CUX1: variants seen among roughly 807,000 people sequenced by gnomAD.
The protein encoded by CUX1 is protein CASP.
CUX1 carries 31 observed loss-of-function variants against 158.8 expected under a neutral mutation model. The observed-to-expected ratio is 0.20, with a 90% CI of 0.15 to 0.26. The LOEUF (loss-of-function observed/expected upper bound fraction) is 0.26, where lower values mean the gene tolerates loss of function less well. CUX1 is among the 10% of genes least tolerant of loss of function. The probability of loss-of-function intolerance (pLI) is 1.00; values close to 1 mark genes in which losing one functional copy is unlikely to be tolerated. For missense variants in CUX1, 1,589 were observed against 2,014.6 expected, an observed-to-expected ratio of 0.79 and a Z score of 4.04; for synonymous variants, 879 against 862.1, an observed-to-expected ratio of 1.02 and a Z score of -0.34.
At chr7:101,865,459 C>CT (rs1797848351) in intron 1 of CUX1, among the ~76,000 whole-genome samples, 1 of 152,166 alleles carries the variant, frequency 6.6e-6, no homozygotes, top group South Asian at 2.1e-4. Flanking sequence ...CTGGCTGCTC[C>CT]TTTAAGAAGT....
intron 22 of CUX1, among the ~76,000 whole-genome samples, chr7:102,235,809 A>G (rs1799504096): frequency 7.0e-6 from 1 of 142,114 alleles, no homozygotes; most frequent in Non-Finnish European, 1.5e-5. Context: ...CGCGCACACA[A>G]CATCTGAGCC....
intron 2 of CUX1, among the ~76,000 whole-genome samples, chr7:101,989,219 G>A (rs187592416): frequency 1.6e-4 from 24 of 152,066 alleles, no homozygotes; most frequent in South Asian, 1.0e-3. Context: ...GCAGGCCTCC[G>A]TCCTCCACCC....
At chr7:102,127,393 C>G (rs1193689654) in intron 8 of CUX1, among the ~76,000 whole-genome samples, 1 of 151,920 alleles carries the variant, frequency 6.6e-6, no homozygotes, top group Non-Finnish European at 1.5e-5. Context: ...TTTGTAGAGA[C>G]AGGGTCTTGC....
chr7:102,123,725 C>G (rs782424193), intron 8 of CUX1, among the ~76,000 whole-genome samples: 9 of 151,834 alleles, frequency 5.9e-5, no homozygotes, highest in Non-Finnish European at 8.8e-5. Context: ...TACAGTGATG[C>G]GATCTTGGCT....
At chr7:102,010,717 C>T (rs1433259418) in intron 2 of CUX1, among the ~76,000 whole-genome samples, 3 of 152,208 alleles carry the variant, frequency 2.0e-5, no homozygotes, top group Non-Finnish European at 4.4e-5. Flanking sequence ...ATTGAGGAAA[C>T]TCAGTGAAGG....
chr7:101,827,430 C>T (rs928852788), intron 1 of CUX1, among the ~76,000 whole-genome samples: 2 of 152,116 alleles, frequency 1.3e-5, no homozygotes, highest in African/African-American at 4.8e-5. Flanking sequence ...ATCAGCCTCC[C>T]AGTAGCTGGA....
Position 102,282,703 on chromosome 7 carries a change from C to T in CUX1, c.1903-9C>T, listed in dbSNP as rs1554549654. The stretch of plus-strand genomic sequence containing the variant: ...GAACGGGCAGCTCACCGTGTCTCCA[C>T]CTGGCCAGGTGCTCTACAAGCTGGC... On this transcript the variant is annotated splice_polypyrimidine_tract_variant and intron_variant, in intron 21 of 22. Transcript: ENST00000292538. 2.5e-6 allele frequency: 4 copies of T among 1,612,636 alleles called. No homozygotes were observed. In the East Asian group the frequency reaches 6.7e-5, roughly 27 times the overall value.
intron 4 of CUX1, among the ~76,000 whole-genome samples, chr7:102,084,860 T>C (rs79761608): frequency 1.0e-5 from 1 of 95,924 alleles, no homozygotes; most frequent in African/African-American, 6.3e-5. Flanking sequence ...TTTCCTTGCT[T>C]TTTTTTTTTT....
intron 3 of CUX1, among the ~76,000 whole-genome samples, chr7:102,049,692 C>CA (rs1585418984): frequency 6.6e-6 from 1 of 151,710 alleles, no homozygotes; most frequent in Admixed American, 6.6e-5. Flanking sequence ...AAAACAAAAA[C>CA]AAAAAAAGAA....
intron 2 of CUX1, among the ~76,000 whole-genome samples, chr7:101,968,694 ATTATAGG>A (rs901352096): frequency 2.0e-5 from 3 of 152,182 alleles, no homozygotes; most frequent in African/African-American, 7.2e-5. Context: ...AAGTGCTGGG[ATTATAGG>A]CATGAGCCAC....
In CUX1 at chr7:102,248,708, C is replaced by A; in HGVS notation, c.4184C>A (p.Pro1395His). 8.2e-7 allele frequency: 1 copy of A among 1,224,674 alleles called. No homozygotes were observed. Among genetic ancestry groups the A allele is most frequent in the South Asian group, 2.0e-5 (1 of 49,344 alleles). 75.9% of individuals were successfully genotyped at this position (1,224,674 alleles called of 1,614,324 possible). A position where few individuals can be genotyped will look rare whatever the true frequency, so the allele number is the denominator to read the frequency against. Residue 1395 changes from proline to histidine, a missense_variant, in exon 24 of 24, where the codon CCC becomes CAC. Coordinates refer to ENST00000292535, the MANE Select transcript of CUX1 (RefSeq NM_181552.4). This position sits in a 1 kb window ranked among gnomAD's most constrained non-coding sequence, Gnocchi z 5.8. ...DARDDDHEGG[P>H]VEGPGPLPSP... Reference sequence around the variant, plus strand: ...CGCGACGACGACCACGAGGGAGGCCCCGTGGAAGGCCCGGGGCCCCTGCCC... The same window carrying A: ...CGCGACGACGACCACGAGGGAGGCCACGTGGAAGGCCCGGGGCCCCTGCCC...
At chr7:102,268,552 ACTGTCTCAGGAC>A (rs1442000356) in intron 14 of CUX1, among the ~76,000 whole-genome samples, 1 of 152,096 alleles carries the variant, frequency 6.6e-6, no homozygotes, top group African/African-American at 2.4e-5. Context: ...TCACAGCAGC[ACTGTCTCAGGAC>A]CTGTCCACCA....
chr7:102,239,223 T>A, intron 22 of CUX1, 97 bp from the exon 23 acceptor site: 1 of 1,396,748 alleles, frequency 7.2e-7, no homozygotes, highest in Admixed American at 2.5e-5. Flanking sequence ...TGCAAAGTCC[T>A]GCAAGCCGGC....
At chr7:102,047,133 G>A (rs1239301201) in intron 3 of CUX1, among the ~76,000 whole-genome samples, 1 of 152,222 alleles carries the variant, frequency 6.6e-6, no homozygotes. Flanking sequence ...ACCCTGGTTA[G>A]TGGTGGTAGG....
At chr7:101,846,306 G>A (rs1303306405) in intron 1 of CUX1, among the ~76,000 whole-genome samples, 1 of 151,676 alleles carries the variant, frequency 6.6e-6, no homozygotes, top group Non-Finnish European at 1.5e-5. Flanking sequence ...TTTCCAAGCC[G>A]CTTTTAAATG....
At chr7:102,224,832 G>A (rs1182649947) in intron 20 of CUX1, among the ~76,000 whole-genome samples, 1 of 152,202 alleles carries the variant, frequency 6.6e-6, no homozygotes, top group African/African-American at 2.4e-5. Context: ...ACCACACTCG[G>A]TTTATTAGCC....
intron 2 of CUX1, among the ~76,000 whole-genome samples, chr7:101,953,637 C>T (rs1809381040): frequency 6.6e-6 from 1 of 152,086 alleles, no homozygotes; most frequent in Non-Finnish European, 1.5e-5. Flanking sequence ...TTATTAAAGG[C>T]GGAGGAATAA....
intron 11 of CUX1, among the ~76,000 whole-genome samples, chr7:102,184,137 A>C (rs1793405837): frequency 6.6e-6 from 1 of 152,142 alleles, no homozygotes; most frequent in South Asian, 2.1e-4. Context: ...GGCTCAAGTG[A>C]TCCTCCCACC....
chr7:101,896,297 C>T (rs935953294), intron 1 of CUX1, among the ~76,000 whole-genome samples: 1 of 152,084 alleles, frequency 6.6e-6, no homozygotes, highest in African/African-American at 2.4e-5. Flanking sequence ...AGCAGGTAGG[C>T]CAGGAAGCAG....
Sources: allele counts gnomAD v4.1 joint callset (sites outside exome capture counted in the v4.1 genomes callset), GRCh38; gene constraint gnomAD v4.1.1; non-coding constraint Gnocchi (gnomAD v3.1); transcripts MANE v1.5; gene names NCBI Gene and HGNC (gene_info 2026-07-23, HGNC 2026-07-21).